KPNA1: variants seen among roughly 807,000 people sequenced by gnomAD.
KPNA1 encodes karyopherin subunit alpha 1.
In KPNA1, 10 loss-of-function variants were observed where a neutral mutation model predicts 70.5. The observed-to-expected ratio is 0.14, with a 90% confidence interval of 0.09 to 0.24. KPNA1 has a LOEUF of 0.24. KPNA1 is among the 10% of genes least tolerant of loss of function. The pLI is 1.00. For missense variants in KPNA1, 397 were observed against 637.9 expected (o/e 0.62, Z 4.07); for synonymous variants, 192 against 221.9 (o/e 0.87, Z 1.20).
intron 5 of KPNA1, chr3:122,460,648 G>GAA: frequency 2.5e-3 from 1,193 of 475,974 alleles, no homozygotes; most frequent in Non-Finnish European, 2.8e-3. Context: ...AGAAAAAGAA[G>GAA]AAAAAAAAAA....
chr3:122,479,057 T>C (rs1477788815), intron 2 of KPNA1, among the ~76,000 whole-genome samples: 1 of 152,014 alleles, frequency 6.6e-6, no homozygotes, highest in Non-Finnish European at 1.5e-5. Context: ...ATTAAAACAT[T>C]CTGCTCTGTG....
chr3:122,489,018 G>C (rs888937466), intron 2 of KPNA1, among the ~76,000 whole-genome samples: 7 of 139,944 alleles, frequency 5.0e-5, no homozygotes, highest in Admixed American at 7.2e-5. Context: ...TAGCTTTCTT[G>C]AAGTTGTCCC....
chr3:122,435,600 C>T (rs867779321), intron 11 of KPNA1, among the ~76,000 whole-genome samples: 13 of 152,234 alleles, frequency 8.5e-5, no homozygotes, highest in Middle Eastern at 3.4e-3. Context: ...ATGGAGGGAC[C>T]ATGAAGCCTG....
chr3:122,496,243 A>G (rs2076759200), intron 2 of KPNA1, among the ~76,000 whole-genome samples, 194 bp downstream of exon 2: 1 of 151,706 alleles, frequency 6.6e-6, no homozygotes, highest in Admixed American at 6.6e-5. Flanking sequence ...AGATTTCCCC[A>G]TTCTTGTATA....
intron 1 of KPNA1, among the ~76,000 whole-genome samples, chr3:122,511,286 C>A (rs1268133770): frequency 6.6e-6 from 1 of 152,178 alleles, no homozygotes; most frequent in Non-Finnish European, 1.5e-5. Flanking sequence ...CTCATGGACT[C>A]AGCACATATC....
At chr3:122,445,219 T>C (rs1219776643) in intron 9 of KPNA1, among the ~76,000 whole-genome samples, 1 of 152,158 alleles carries the variant, frequency 6.6e-6, no homozygotes, top group East Asian at 1.9e-4. Context: ...AAAGACCTGA[T>C]GGAGCTGAAA....
intron 8 of KPNA1, among the ~76,000 whole-genome samples, chr3:122,450,381 A>T (rs1003661591): frequency 6.6e-6 from 1 of 152,186 alleles, no homozygotes; most frequent in Non-Finnish European, 1.5e-5. Flanking sequence ...CTGGAGTTCA[A>T]GACCAACCTG....
At chr3:122,511,611 C>T (rs1429881105) in intron 1 of KPNA1, among the ~76,000 whole-genome samples, 3 of 152,232 alleles carry the variant, frequency 2.0e-5, no homozygotes, top group Non-Finnish European at 4.4e-5. Context: ...CTCAGTTGGC[C>T]TCAGGCCATC....
In KPNA1 at chr3:122,449,729, T is replaced by C. The variant is rs1364629260; in HGVS notation, c.762A>G (p.Pro254=). 8.1e-6 allele frequency: 13 copies of C among 1,605,198 alleles called. No homozygotes were observed. Among genetic ancestry groups the C allele is most frequent in the Non-Finnish European group, 1.1e-5 (13 of 1,177,602 alleles). Residue 254 remains proline, a synonymous_variant, in exon 9 of 14, where the codon CCA becomes CCG. Transcript: ENST00000344337. ...GCAACCAGGAAAGCACATTCAGACA[T>C]GGAGAAACCTGTAAAAGGAAAATGA... ...SPPPEFAKVS[P]CLNVLSWLLF... is the part of the protein sequence containing the mutation.
At chr3:122,446,350 A>G (rs2076137929) in intron 9 of KPNA1, among the ~76,000 whole-genome samples, 1 of 152,236 alleles carries the variant, frequency 6.6e-6, no homozygotes, top group Admixed American at 6.5e-5. Flanking sequence ...ATCAAATTAG[A>G]ACTCAGGATT....
chr3:122,449,368 AAC>A (rs747025400), intron 9 of KPNA1, among the ~76,000 whole-genome samples: 2 of 152,236 alleles, frequency 1.3e-5, no homozygotes, highest in Non-Finnish European at 2.9e-5. Context: ...AAGGCCTGCT[AAC>A]AGCAGAGGAC....
chr3:122,441,881 G>A (rs564399656), intron 10 of KPNA1, among the ~76,000 whole-genome samples, 157 bp downstream of exon 10: 5 of 152,178 alleles, frequency 3.3e-5, no homozygotes, highest in South Asian at 2.1e-4. Flanking sequence ...GATTACAGGC[G>A]TGAGTGACCG....
chr3:122,470,484 C>A (rs2076428965), intron 2 of KPNA1, among the ~76,000 whole-genome samples: 2 of 150,614 alleles, frequency 1.3e-5, no homozygotes, highest in African/African-American at 4.9e-5. Flanking sequence ...TGCACTCCAG[C>A]CAGGGAAACA....
chr3:122,426,966 G>T lies in KPNA1; in HGVS notation c.*19C>A. ...GGGTAGCCTGGTCTGACACAGGTAC[G>T]TGAAAGCAGAGTATTGCTTCAAAGC... On this transcript the variant is annotated 3_prime_UTR_variant, in exon 14 of 14. Transcript: ENST00000344337. 2 of 1,607,140 alleles carry T rather than the reference G, an allele frequency of 1.2e-6. No individual in the cohort carries two copies. Among genetic ancestry groups the T allele is most frequent in the Non-Finnish European group, 1.7e-6 (2 of 1,174,048 alleles).
chr3:122,431,340 A>AGAGACAAGGTTTCTCCAT (rs141347332), intron 12 of KPNA1, among the ~76,000 whole-genome samples: 13,125 of 152,076 alleles, frequency 0.086, 753 homozygotes, highest in Middle Eastern at 0.21. Flanking sequence ...TAATTTTTGT[A>AGAGACAAGGTTTCTCCAT]GAGACAAGGT....
chr3:122,474,517 T>C (rs1230667747), intron 2 of KPNA1, among the ~76,000 whole-genome samples: 2 of 152,060 alleles, frequency 1.3e-5, no homozygotes, highest in Non-Finnish European at 2.9e-5. Flanking sequence ...AGCCCAGAAA[T>C]AGACCTCATA....
At chr3:122,427,194 A>T (rs764301285) in intron 13 of KPNA1, 22 bp from the exon 14 acceptor site, 1 of 1,561,616 alleles carries the variant, frequency 6.4e-7, no homozygotes, top group Admixed American at 1.8e-5. Flanking sequence ...AATAAAGGAA[A>T]ATCTTTATTG....
At chr3:122,478,160 CA>C (rs566764177) in intron 2 of KPNA1, among the ~76,000 whole-genome samples, 85 of 75,560 alleles carry the variant, frequency 1.1e-3, no homozygotes, top group Middle Eastern at 6.8e-3. Flanking sequence ...GATGCTGTCT[CA>C]AAAAAAAAAA....
At chr3:122,438,357 T>G (rs1281161795) in intron 10 of KPNA1, among the ~76,000 whole-genome samples, 6 of 152,162 alleles carry the variant, frequency 3.9e-5, no homozygotes, top group African/African-American at 9.6e-5. Flanking sequence ...CTCTTTTCTT[T>G]ATAAACTACT....
Sources: gnomAD v4.1 joint callset for allele counts (sites outside exome capture counted in the v4.1 genomes callset) on GRCh38, gnomAD v4.1.1 for gene constraint, MANE v1.5 for transcripts, NCBI Gene and HGNC (gene_info 2026-07-23, HGNC 2026-07-21) for gene names.